The following OSBPL11 variants were observed in gnomAD, a reference collection of about 807,000 sequenced individuals.
OSBPL11 encodes the protein oxysterol-binding protein-related protein 11.
In OSBPL11, 33 loss-of-function variants were observed where a neutral mutation model predicts 84.4. That is an observed-to-expected ratio of 0.39 (90% CI 0.30 to 0.52). OSBPL11 has a LOEUF of 0.52. OSBPL11 is among the 20% of genes least tolerant of loss of function. The probability of loss-of-function intolerance (pLI) is 0.72; values close to 1 mark genes in which losing one functional copy is unlikely to be tolerated. For missense variants in OSBPL11, 736 were observed against 901.1 expected (o/e 0.82, Z 2.35); for synonymous variants, 276 against 310.2 (o/e 0.89, Z 1.16).
chr3:125,561,645 A>G (rs1274063720), intron 7 of OSBPL11, among the ~76,000 whole-genome samples: 9 of 152,238 alleles, frequency 5.9e-5, no homozygotes, highest in African/African-American at 2.2e-4. Flanking sequence ...ACCCATGATC[A>G]TGACGCTATT....
intron 1 of OSBPL11, among the ~76,000 whole-genome samples, chr3:125,586,266 T>C (rs1172744913): frequency 1.3e-5 from 2 of 152,174 alleles, no homozygotes; most frequent in Non-Finnish European, 2.9e-5. Flanking sequence ...TAAGCTATGA[T>C]AAAGTTAATT....
chr3:125,543,404 T>C (rs1935763421), intron 10 of OSBPL11, among the ~76,000 whole-genome samples: 1 of 151,818 alleles, frequency 6.6e-6, no homozygotes. Flanking sequence ...AGTACTGAGA[T>C]TACAGGCATG....
Position 125,594,649 on chromosome 3 carries a change from C to G in OSBPL11, c.152G>C (p.Gly51Ala). ...GAAAGGAGCATACCTGTACTGCCAG[C>G]CTTTTGCACTGCCACCGCGGCTGCT... ...SSSSRGGSAK[G>A]WQYSDHMENV... Residue 51 changes from glycine to alanine, a missense_variant, in exon 1 of 13, where the codon GGC (glycine) becomes GCC (alanine). By Grantham distance (60) the Gly-to-Ala change is moderately conservative (BLOSUM62 0). Around this residue, in one of 3 missense-constraint regions of OSBPL11, gnomAD observed 114 missense variants for 104.9 expected, o/e 1.09. Transcript: ENST00000296220. 6.2e-7 allele frequency: 1 copy of G among 1,613,526 alleles called. No individual in the cohort carries two copies.
chr3:125,540,419 G>C (rs1471856105), intron 10 of OSBPL11, among the ~76,000 whole-genome samples: 1 of 147,778 alleles, frequency 6.8e-6, no homozygotes, highest in Non-Finnish European at 1.5e-5. Context: ...CAGTCAACTT[G>C]ATTACAGCAG....
At chr3:125,545,266 T>C (rs1005237580) in intron 10 of OSBPL11, among the ~76,000 whole-genome samples, 2 of 152,234 alleles carry the variant, frequency 1.3e-5, no homozygotes, top group African/African-American at 4.8e-5. Flanking sequence ...AGTTTGTCTA[T>C]CTCGAAAAAG....
chr3:125,591,484 T>C (rs1302530370), intron 1 of OSBPL11, among the ~76,000 whole-genome samples: 1 of 152,112 alleles, frequency 6.6e-6, no homozygotes, highest in African/African-American at 2.4e-5. Flanking sequence ...AAGAAGCCCA[T>C]GTGGCCAGTG....
At chr3:125,565,495 T>C (rs1936140060) in intron 6 of OSBPL11, among the ~76,000 whole-genome samples, 1 of 152,142 alleles carries the variant, frequency 6.6e-6, no homozygotes, top group Admixed American at 6.6e-5. Context: ...GGAAAACATT[T>C]TTGATGTAAA....
chr3:125,533,470 C>T (rs1337001676), intron 11 of OSBPL11, among the ~76,000 whole-genome samples: 1 of 151,970 alleles, frequency 6.6e-6, no homozygotes, highest in East Asian at 1.9e-4. Context: ...AATGACCCGC[C>T]CACCTCGGCC....
rs1166191876 is a variant in OSBPL11 at position 125,533,399 on chromosome 3, AT to A, written c.2025-1386del. 6.6e-5 allele frequency among the ~76,000 whole-genome samples: 10 copies of A among 152,098 alleles called. 1 individual carries two copies. Among genetic ancestry groups the A allele is most frequent in the African/African-American group, 2.2e-4 (9 of 41,502 alleles). ...ACCACCATGCCCGGCTAATTTTTGT[AT>A]TTTGAGTACAGACAGGGTTTCATCA... is the stretch of plus-strand genomic sequence containing the variant. On this transcript the variant is annotated intron_variant, in intron 11 of 12. Transcript: ENST00000296220.
chr3:125,577,943 A>G (rs1196380591), intron 4 of OSBPL11, among the ~76,000 whole-genome samples: 1 of 152,210 alleles, frequency 6.6e-6, no homozygotes, highest in Non-Finnish European at 1.5e-5. Context: ...AATGTTAAAC[A>G]TAGAACTATC....
intron 1 of OSBPL11, 137 bp downstream of exon 1, chr3:125,594,500 A>G: frequency 9.7e-7 from 1 of 1,033,156 alleles, no homozygotes. Flanking sequence ...GAGGTCCCAG[A>G]TCCAAACGAG....
At chr3:125,550,019 G>A (rs926331643) in intron 9 of OSBPL11, among the ~76,000 whole-genome samples, 1 of 152,006 alleles carries the variant, frequency 6.6e-6, no homozygotes, top group African/African-American at 2.4e-5. Context: ...AAGTGCTTAA[G>A]GCTAACGTGA....
At position 125,567,444 on chromosome 3, in the gene OSBPL11, T is replaced by C. The variant is rs376516561; in HGVS notation, c.818A>G (p.His273Arg). ...ATMNCLNDCF[H>R]ILQLQHASHQ... is the part of the protein sequence containing the mutation. ...TGATGCATGCTGTAACTGGAGAATA[T>C]GAAAGCAGTCATTTAAGCAGTTCAT... Residue 273 changes from histidine (H) to arginine (R), a missense_variant, in exon 6 of 13, where the codon CAT becomes CGT. Physicochemically the swap from His to Arg is conservative, Grantham distance 29. Transcript: ENST00000296220. The C allele has an allele frequency of 6.2e-6, 10 of 1,614,050 alleles. No homozygotes were observed. The highest frequency in any genetic ancestry group is 1.3e-5 in the African/African-American group (1 of 74,926).
At chr3:125,563,090 C>A (rs1294689622) in intron 7 of OSBPL11, among the ~76,000 whole-genome samples, 1 of 151,892 alleles carries the variant, frequency 6.6e-6, no homozygotes, top group African/African-American at 2.4e-5. Context: ...AAATGCTTAT[C>A]AAGTAAAAAT....
In OSBPL11 at chr3:125,530,182, TTGTGTGTATCTGC is replaced by T; in HGVS notation, c.*320_*332del. 1 of 259,942 alleles carries T rather than the reference TTGTGTGTATCTGC, an allele frequency of 3.8e-6. No homozygotes were observed. The highest frequency in any genetic ancestry group is 7.5e-6 in the Non-Finnish European group (1 of 133,034). 16.1% of individuals were successfully genotyped at this position (259,942 alleles called of 1,614,324 possible). On this transcript the variant is annotated 3_prime_UTR_variant, in exon 13 of 13. Transcript: ENST00000296220. ...AATCAAAGTCACTGAGTTCTCATTGTTGTGTGTATCTGCTGCCCCTGTGCAAAAATAGGGGATT... is the reference window on the plus strand; with the variant it reads ...AATCAAAGTCACTGAGTTCTCATTGTTGCCCCTGTGCAAAAATAGGGGATT...
chr3:125,585,442 G>C (rs1255887778), intron 1 of OSBPL11, among the ~76,000 whole-genome samples: 1 of 151,106 alleles, frequency 6.6e-6, no homozygotes, highest in African/African-American at 2.4e-5. Flanking sequence ...GGCTCTAAGT[G>C]TATCTTCATA....
At chr3:125,537,850 C>T (rs747576038) in intron 11 of OSBPL11, among the ~76,000 whole-genome samples, 9 of 152,142 alleles carry the variant, frequency 5.9e-5, no homozygotes, top group Admixed American at 2.0e-4. Flanking sequence ...CTTATTAACA[C>T]GTATAGATCC....
At chr3:125,555,535 G>T (rs13072914) in intron 8 of OSBPL11, among the ~76,000 whole-genome samples, 10,171 of 152,096 alleles carry the variant, frequency 0.067, 462 homozygotes, top group Non-Finnish European at 0.098. Context: ...ATGGATAAAA[G>T]AAACCTACAT....
Position 125,579,052 on chromosome 3 carries a change from T to C in OSBPL11, c.410-13A>G, listed in dbSNP as rs368967959. 3 of 1,552,720 alleles carry C rather than the reference T, an allele frequency of 1.9e-6. No homozygotes were observed. Among genetic ancestry groups the C allele is most frequent in the Non-Finnish European group, 2.6e-6 (3 of 1,141,372 alleles). Reference sequence around the variant, plus strand: ...TTTGCATCTGTAGCTGTTAAAAGAATGTAAAAATTATTTTATATTTATTTA... The same window carrying C: ...TTTGCATCTGTAGCTGTTAAAAGAACGTAAAAATTATTTTATATTTATTTA... On this transcript the variant is annotated splice_polypyrimidine_tract_variant and intron_variant, in intron 3 of 12. Transcript: ENST00000296220.
Sources: allele counts gnomAD v4.1 joint callset (sites outside exome capture counted in the v4.1 genomes callset), GRCh38; gene constraint gnomAD v4.1.1; regional missense constraint gnomAD v4.1.1; transcripts MANE v1.5; gene names NCBI Gene and HGNC (gene_info 2026-07-23, HGNC 2026-07-21).